WRN: variants seen among roughly 807,000 people sequenced by gnomAD.
WRN encodes WRN RecQ like helicase.
Under a neutral mutation model 180.7 loss-of-function variants are expected in WRN, and 149 were observed. The ratio of observed to expected loss-of-function variants is 0.82; its 90% CI spans 0.72 to 0.94. The LOEUF is 0.94. Among genes scored for constraint, WRN ranks in the 40% least tolerant of loss-of-function variants. The pLI, the probability that WRN is intolerant of heterozygous loss-of-function variation, is 0.00. For missense variants in WRN, 1,661 were observed against 1,700.1 expected (o/e 0.98, Z 0.40); for synonymous variants, 548 against 568.9 (o/e 0.96, Z 0.52).
At chr8:31,068,520 C>T (rs1812794126) in intron 7 of WRN, among the ~76,000 whole-genome samples, 193 bp downstream of exon 7, 1 of 152,164 alleles carries the variant, frequency 6.6e-6, no homozygotes, top group African/African-American at 2.4e-5. Context: ...GGCAAAGCAG[C>T]CCTTACTTCT....
At chr8:31,152,271 G>C (rs1239764697) in intron 31 of WRN, among the ~76,000 whole-genome samples, 2 of 151,350 alleles carry the variant, frequency 1.3e-5, no homozygotes, top group Non-Finnish European at 2.9e-5. Flanking sequence ...GCGGAGCTTG[G>C]AGTAAGCCGA....
At chr8:31,120,091 T>TA (rs1418118248) in intron 20 of WRN, 152 bp from the exon 21 acceptor site, 17 of 850,250 alleles carry the variant, frequency 2.0e-5, no homozygotes, top group Non-Finnish European at 7.6e-6. Flanking sequence ...ATCAGGCAGA[T>TA]AATCTGTAAA....
At chr8:31,125,502 G>T (rs1318538337) in intron 23 of WRN, among the ~76,000 whole-genome samples, 2 of 132,052 alleles carry the variant, frequency 1.5e-5, no homozygotes, top group Non-Finnish European at 1.6e-5. Flanking sequence ...ATCAGTCAGG[G>T]TTCACCAGAG....
intron 11 of WRN, among the ~76,000 whole-genome samples, chr8:31,087,390 G>A (rs188338742): frequency 6.6e-6 from 1 of 152,264 alleles, no homozygotes; most frequent in African/African-American, 2.4e-5. Flanking sequence ...ACTGACACAT[G>A]ATATAGAGAA....
chr8:31,092,925 A>G (rs1255614407), intron 16 of WRN, among the ~76,000 whole-genome samples: 1 of 151,954 alleles, frequency 6.6e-6, no homozygotes, highest in East Asian at 1.9e-4. Flanking sequence ...ATGTATCAGT[A>G]GTTTTTTGTT....
At chr8:31,039,214 C>T (rs1221206180) in intron 1 of WRN, among the ~76,000 whole-genome samples, 3 of 152,112 alleles carry the variant, frequency 2.0e-5, no homozygotes, top group Non-Finnish European at 4.4e-5. Flanking sequence ...GATATCTTTC[C>T]ATTTATTTGT....
At chr8:31,081,416 T>A in intron 9 of WRN, 120 bp downstream of exon 9, 1 of 1,047,098 alleles carries the variant, frequency 9.6e-7, no homozygotes, top group Non-Finnish European at 1.4e-6. Flanking sequence ...TCTGTTGCAG[T>A]AACTCAGTTC....
At chr8:31,098,315 A>G (rs67469546) in intron 17 of WRN, among the ~76,000 whole-genome samples, 11,666 of 152,244 alleles carry the variant, frequency 0.077, 509 homozygotes, top group African/African-American at 0.13. Flanking sequence ...GTCTATGTCC[A>G]TAGTGGTTTG....
chr8:31,038,234 T>C (rs933453604), intron 1 of WRN, among the ~76,000 whole-genome samples: 1 of 152,190 alleles, frequency 6.6e-6, no homozygotes, highest in Non-Finnish European at 1.5e-5. Context: ...TCACCAAAAC[T>C]TAATTTCCTT....
chr8:31,087,404 T>C (rs1813573952), intron 11 of WRN, among the ~76,000 whole-genome samples: 1 of 152,222 alleles, frequency 6.6e-6, no homozygotes, highest in Non-Finnish European at 1.5e-5. Context: ...TAGAGAAACT[T>C]GTTCCAAAAA....
Position 31,059,190 on chromosome 8 carries a change from CCTT to C in WRN, c.138_140del (p.Phe46del), listed in dbSNP as rs768226589. 2 of 1,613,772 alleles carry C rather than the reference CCTT, an allele frequency of 1.2e-6. No homozygotes were observed. The highest frequency in any genetic ancestry group is 1.1e-5 in the South Asian group (1 of 91,078). ...AAGAGTGTTTTTGAAGATGACCTCCCCTTCTTAGAATTCACTGGATCCATTGTG... is the reference window on the plus strand; with the variant it reads ...AAGAGTGTTTTTGAAGATGACCTCCCCTTAGAATTCACTGGATCCATTGTG... On this transcript the variant is annotated inframe_deletion, in exon 3 of 35. Coordinates refer to ENST00000298139, the MANE Select transcript of WRN (RefSeq NM_000553.6).
chr8:31,053,506 T>C (rs957896995), intron 1 of WRN, among the ~76,000 whole-genome samples: 1 of 152,226 alleles, frequency 6.6e-6, no homozygotes, highest in Admixed American at 6.5e-5. Context: ...ACTGATTATG[T>C]GGACAGTCCA....
At chr8:31,101,396 T>G (rs759600453) in intron 18 of WRN, among the ~76,000 whole-genome samples, 3 of 152,228 alleles carry the variant, frequency 2.0e-5, no homozygotes, top group Non-Finnish European at 4.4e-5. Flanking sequence ...TTACCCCTTC[T>G]TGTATCACAT....
At chr8:31,063,595 G>A (rs978485964) in intron 3 of WRN, among the ~76,000 whole-genome samples, 2 of 152,256 alleles carry the variant, frequency 1.3e-5, no homozygotes, top group Admixed American at 6.5e-5. Context: ...CTCTTAACAC[G>A]TGGTATTCTG....
At chr8:31,157,301 AT>A (rs1456652560) in intron 32 of WRN, 66 bp from the exon 33 acceptor site, 13 of 1,601,934 alleles carry the variant, frequency 8.1e-6, no homozygotes, top group Non-Finnish European at 1.1e-5. Flanking sequence ...TGTTTTGGAC[AT>A]TTTATTTCCA....
Position 31,081,189 on chromosome 8 carries a change from GA to G in WRN, c.1165del (p.Arg389GlufsTer4), listed in dbSNP as rs878854131. The part of the protein sequence containing the change: ...VEDNKLKENM[E>X]RACLMSLDIT... ...AGACAACAAATTGAAAGAGAATATGGAAAGAGCTTGTTTGATGTCGTTAGAT... is the reference window on the plus strand; with the variant it reads ...AGACAACAAATTGAAAGAGAATATGGAAGAGCTTGTTTGATGTCGTTAGAT... On this transcript the variant is annotated frameshift_variant, in exon 9 of 35. Coordinates refer to ENST00000298139, the MANE Select transcript of WRN (RefSeq NM_000553.6). LOFTEE classifies it high-confidence loss of function. The G allele has an allele frequency of 5.0e-5, 81 of 1,613,904 alleles. No homozygotes were observed. The highest frequency in any genetic ancestry group is 1.9e-4 in the South Asian group (17 of 91,072).
At chr8:31,157,284 A>G in intron 32 of WRN, 84 bp from the exon 33 acceptor site, 1 of 1,573,766 alleles carries the variant, frequency 6.4e-7, no homozygotes, top group Non-Finnish European at 8.7e-7. Context: ...AGCATTTACT[A>G]CCTGAATGTT....
At chr8:31,084,133 G>C (rs1352124774) in intron 10 of WRN, among the ~76,000 whole-genome samples, 1 of 152,030 alleles carries the variant, frequency 6.6e-6, no homozygotes, top group Non-Finnish European at 1.5e-5. Context: ...CGAGTAGCTG[G>C]GATTATGGGC....
intron 18 of WRN, among the ~76,000 whole-genome samples, chr8:31,105,938 T>G (rs1253038297): frequency 6.6e-6 from 1 of 152,184 alleles, no homozygotes; most frequent in Non-Finnish European, 1.5e-5. Context: ...TATGTGTGTA[T>G]ACACAGGCAC....
Sources: allele counts gnomAD v4.1 joint callset (sites outside exome capture counted in the v4.1 genomes callset), GRCh38; gene constraint gnomAD v4.1.1; transcripts MANE v1.5; gene names NCBI Gene and HGNC (gene_info 2026-07-23, HGNC 2026-07-21).